The following OGG1 variants were observed in gnomAD, a reference collection of about 807,000 sequenced individuals.
The protein encoded by OGG1 is N-glycosylase/DNA lyase.
A neutral mutation model predicts 42.3 loss-of-function variants in OGG1; 35 were observed. That is an observed-to-expected ratio of 0.83 (90% CI 0.63 to 1.10). The LOEUF (loss-of-function observed/expected upper bound fraction) is 1.10. OGG1 is among the 50% of genes least tolerant of loss of function. The pLI, the probability that OGG1 is intolerant of heterozygous loss-of-function variation, is 0.00. For missense variants in OGG1, 484 were observed against 446.7 expected (o/e 1.08, Z -0.75); for synonymous variants, 189 against 179.0 (o/e 1.06, Z -0.44).
At chr3:9,751,258 T>C in intron 2 of OGG1, 66 bp downstream of exon 2, 1 of 1,548,794 alleles carries the variant, frequency 6.5e-7, no homozygotes, top group Non-Finnish European at 8.8e-7. Flanking sequence ...TGACTCAGTT[T>C]TGCCACCTGT....
chr3:9,757,626 A>T, downstream of OGG1: 1 of 1,614,130 alleles, frequency 6.2e-7, no homozygotes, highest in Non-Finnish European at 8.5e-7. This position sits in a 1 kb window ranked among gnomAD's most constrained non-coding sequence, Gnocchi z 4.5. Context: ...CCGGCCCTGC[A>T]TGGGAAGACA....
At chr3:9,774,408 C>CAAAAAAAAAAAAAAAAAAAAAAAAAAA (rs35674476) in intron 2 of OGG1, among the ~76,000 whole-genome samples, 1 of 117,102 alleles carries the variant, frequency 8.5e-6, no homozygotes, top group African/African-American at 3.7e-5. Context: ...GACTCTGTCT[C>CAAAAAAAAAAAAAAAAAAAAAAAAAAA]AAAAAAAAAA....
intron 2 of OGG1, among the ~76,000 whole-genome samples, chr3:9,776,060 G>T (rs898481767): frequency 6.6e-6 from 1 of 152,184 alleles, no homozygotes; most frequent in African/African-American, 2.4e-5. Context: ...ATTGTCTAGA[G>T]AATAAAGTCC....
At position 9,753,589 on chromosome 3, in the gene OGG1, G is replaced by A. The variant is rs184597380; in HGVS notation, c.566-1115G>A. ...GAATGGCGTGAACCCGGGAGGCGAA[G>A]CTTGCAGTGAGCCGAGATCGTGCCA... On this transcript the variant is annotated intron_variant, in intron 3 of 6. Transcript: ENST00000344629. 4.2e-3 allele frequency among the ~76,000 whole-genome samples: 640 copies of A among 151,940 alleles called. 4 individuals are homozygous for A. Among genetic ancestry groups the A allele is most frequent in the African/African-American group, 0.014 (597 of 41,434 alleles).
At chr3:9,761,219 C>A, downstream of OGG1, 2 of 454,578 alleles carry the variant, frequency 4.4e-6, no homozygotes, top group East Asian at 7.1e-5. Flanking sequence ...GAAAGAAAGT[C>A]AGCTCCCTGA....
At chr3:9,750,782 T>C in intron 1 of OGG1, 163 bp from the exon 2 acceptor site, 8 of 912,928 alleles carry the variant, frequency 8.8e-6, no homozygotes, top group Non-Finnish European at 1.4e-5. Flanking sequence ...GTTAAATTTT[T>C]GTATTTTTTG....
At chr3:9,768,765 T>G (rs759257508), downstream of OGG1, among the ~76,000 whole-genome samples, 1 of 152,154 alleles carries the variant, frequency 6.6e-6, no homozygotes, top group African/African-American at 2.4e-5. Context: ...CCTTCTCTCT[T>G]TTTCTCTAAG....
chr3:9,789,586 C>T, downstream of OGG1: 3 of 1,614,180 alleles, frequency 1.9e-6, no homozygotes, highest in Non-Finnish European at 2.5e-6. Context: ...GTGATGTCAG[C>T]ACAGTAGGGC....
At chr3:9,765,847 G>C (rs770894597) in exon 8 of OGG1, 1 of 1,613,788 alleles carries the variant, frequency 6.2e-7, no homozygotes, top group Non-Finnish European at 8.5e-7. Context: ...ACCAGCTTCT[G>C]CGTCCTCTTA....
intron 2 of OGG1, among the ~76,000 whole-genome samples, chr3:9,776,727 TTGTC>T (rs2078370988): frequency 6.6e-6 from 1 of 152,134 alleles, no homozygotes; most frequent in Non-Finnish European, 1.5e-5. Flanking sequence ...AGTGTTTTGA[TTGTC>T]TGTCTAGTGT....
intron 3 of OGG1, among the ~76,000 whole-genome samples, chr3:9,785,922 ACTC>A (rs1227178321): frequency 6.8e-6 from 1 of 146,368 alleles, no homozygotes; most frequent in Non-Finnish European, 1.5e-5. Context: ...TCCTTCACAC[ACTC>A]CTCCTTGTTT....
Position 9,757,001 on chromosome 3 carries a change from G to A in OGG1, c.949-60G>A. ...CTTCCACCTCCCAACACTGTCACTA[G>A]TCTCACCAGCCCTGACCCCAGTGTA... is the stretch of plus-strand genomic sequence containing the variant. On this transcript the variant is annotated intron_variant, in intron 6 of 6. Transcript: ENST00000344629. The surrounding 1 kb of genome is among the most constrained non-coding windows in gnomAD (Gnocchi z 4.5). 2 of 1,613,158 alleles carry A rather than the reference G, an allele frequency of 1.2e-6. No homozygotes were observed. The highest frequency in any genetic ancestry group is 1.7e-6 in the Non-Finnish European group (2 of 1,179,994).
rs994911665 is a variant in OGG1, at chr3:9,785,188, G to A, written c.383-2540G>A. The A allele has an allele frequency of 6.2e-6, 4 of 649,730 alleles. No homozygotes were observed. The South Asian group carries it at 6.2e-5, about 10-fold the overall frequency. The allele number at this position is 649,730 out of a possible 1,614,324, so 40.2% of individuals were successfully genotyped here. On this transcript the variant is annotated intron_variant, in intron 3 of 3. Transcript: ENST00000426518. ...ACACGCTGGGTCATCACTCACACTT[G>A]AGACTGCTATTAGGCTTCACCTAAC...
chr3:9,762,897 A>G (rs770194394), intron 7 of OGG1: 1 of 1,613,282 alleles, frequency 6.2e-7, no homozygotes, highest in Non-Finnish European at 8.5e-7. Context: ...AGCTCACCAC[A>G]CCCCCTTGAG....
chr3:9,753,701 G>A (rs1331159610), intron 3 of OGG1, among the ~76,000 whole-genome samples: 1 of 152,022 alleles, frequency 6.6e-6, no homozygotes, highest in African/African-American at 2.4e-5. Context: ...TCCTGGCTTA[G>A]TTAGTCATAA....
downstream of OGG1, chr3:9,789,954 C>T: frequency 6.3e-7 from 1 of 1,592,846 alleles, no homozygotes; most frequent in Non-Finnish European, 8.5e-7. Context: ...TCCTGCCAGT[C>T]GGTGAGGATC....
intron 2 of OGG1, among the ~76,000 whole-genome samples, chr3:9,771,817 T>C (rs1290079914): frequency 1.4e-5 from 2 of 138,588 alleles, no homozygotes; most frequent in Non-Finnish European, 3.1e-5. Context: ...CTTCTTTTTT[T>C]TTTTTTTTTT....
chr3:9,754,854 C>T lies in OGG1; in HGVS notation c.716C>T (p.Ala239Val). ...RESSYEEAHK[A>V]LCILPGVGTK... ...TCCTCATATGAGGAGGCCCACAAGG[C>T]CCTCTGCATCCTGCCTGGAGTGGGC... The change falls in exon 4 of 7, where the codon GCC becomes GTC. Residue 239 changes from alanine to valine, a missense_variant. Transcript: ENST00000344629. 6.2e-7 allele frequency: 1 copy of T among 1,605,366 alleles called. No homozygotes were observed. Among genetic ancestry groups the T allele is most frequent in the Non-Finnish European group, 8.5e-7 (1 of 1,175,850 alleles).
rs756178028 is a variant in OGG1, at chr3:9,754,776, G to A, written c.638G>A (p.Arg213Gln). 15 of 1,613,880 alleles carry A rather than the reference G, an allele frequency of 9.3e-6. No individual in the cohort carries two copies. Among genetic ancestry groups the A allele is most frequent in the Middle Eastern group, 1.6e-4 (1 of 6,084 alleles). ...GCCCGTTACGTGAGTGCCAGTGCCC[G>A]AGCCATCCTGGAAGAACAGGGCGGG... Reference protein sequence around the residue: ...YRARYVSASARAILEEQGGLA... With the variant: ...YRARYVSASAQAILEEQGGLA... The change falls in exon 4 of 7, where the codon CGA becomes CAA. Residue 213 changes from arginine (R) to glutamine (Q), a missense_variant. Transcript: ENST00000344629.
Sources: gnomAD v4.1 joint callset for allele counts (sites outside exome capture counted in the v4.1 genomes callset) on GRCh38, gnomAD v4.1.1 for gene constraint, Gnocchi (gnomAD v3.1) non-coding constraint, MANE v1.5 for transcripts, NCBI Gene and HGNC (gene_info 2026-07-23, HGNC 2026-07-21) for gene names.